Variants in SNCAIP observed in about 807,000 individuals in gnomAD.
SNCAIP encodes synuclein alpha interacting protein.
In SNCAIP, 43 loss-of-function variants were observed where a neutral mutation model predicts 86.7. That is an observed-to-expected ratio of 0.50 (90% CI 0.39 to 0.64). SNCAIP has a LOEUF of 0.64. Among genes scored for constraint, SNCAIP ranks in the 30% least tolerant of loss-of-function variants. The pLI is 0.00. For missense variants in SNCAIP, 981 were observed against 1,103.1 expected (o/e 0.89, Z 1.57); for synonymous variants, 417 against 427.2 (o/e 0.98, Z 0.29).
At chr5:122,449,756 C>T (rs1260803946) in intron 8 of SNCAIP, 89 bp from the exon 9 acceptor site, 7 of 916,404 alleles carry the variant, frequency 7.6e-6, no homozygotes, top group Non-Finnish European at 7.3e-6. Context: ...TTGCAACTTA[C>T]TGGAAATTAT....
intron 1 of SNCAIP, among the ~76,000 whole-genome samples, chr5:122,334,924 G>A (rs1055789244): frequency 1.3e-5 from 2 of 151,982 alleles, no homozygotes; most frequent in African/African-American, 2.4e-5. Context: ...GTGGATTTGG[G>A]GACTACAGGT....
intron 7 of SNCAIP, chr5:122,443,756 C>T: frequency 4.6e-6 from 2 of 434,982 alleles, no homozygotes; most frequent in South Asian, 1.6e-5. Flanking sequence ...GAAAGTTGTC[C>T]CTGCTTCTTT....
intron 5 of SNCAIP, among the ~76,000 whole-genome samples, chr5:122,429,293 G>A (rs1165220244): frequency 1.3e-5 from 2 of 150,352 alleles, no homozygotes; most frequent in South Asian, 4.2e-4. Flanking sequence ...AAAAAGAAGA[G>A]CAGACTAAAT....
At position 122,332,977 on chromosome 5, in the gene SNCAIP, A is replaced by G. The variant is rs536205687; in HGVS notation, c.-47+20693A>G. Among the ~76,000 whole-genome samples the G allele has an allele frequency of 8.5e-5, 13 of 152,354 alleles. 1 individual carries two copies. The South Asian group carries it at 2.3e-3, about 27-fold the overall frequency. On this transcript the variant is annotated intron_variant, in intron 1 of 10. Coordinates refer to ENST00000261368, the MANE Select transcript of SNCAIP (RefSeq NM_005460.4). The stretch of plus-strand genomic sequence containing the variant: ...CTGAAAGGGTAAATACTTTCTTCCA[A>G]AGCTATTTGGTTGAGAGACATGGCC...
intron 5 of SNCAIP, 59 bp downstream of exon 5, chr5:122,425,590 T>C: frequency 1.4e-6 from 2 of 1,413,644 alleles, no homozygotes. Context: ...TTTTTTAAGA[T>C]TCCTTGTGAG....
At chr5:122,380,905 A>G (rs1011354825) in intron 1 of SNCAIP, among the ~76,000 whole-genome samples, 1 of 150,926 alleles carries the variant, frequency 6.6e-6, no homozygotes, top group African/African-American at 2.4e-5. Flanking sequence ...GGTCTGAGAG[A>G]TAGTTTGTTA....
At chr5:122,343,465 T>G (rs1054790178) in intron 1 of SNCAIP, among the ~76,000 whole-genome samples, 1 of 152,228 alleles carries the variant, frequency 6.6e-6, no homozygotes, top group Non-Finnish European at 1.5e-5. Flanking sequence ...GCCTTTTATA[T>G]GTAAGCAGTT....
At chr5:122,384,221 G>A (rs530703016) in intron 1 of SNCAIP, among the ~76,000 whole-genome samples, 1 of 152,296 alleles carries the variant, frequency 6.6e-6, no homozygotes, top group African/African-American at 2.4e-5. Flanking sequence ...TGTGTTAGCT[G>A]GCTTTGCCCC....
At chr5:122,376,817 G>A (rs956746258) in intron 1 of SNCAIP, among the ~76,000 whole-genome samples, 1 of 152,122 alleles carries the variant, frequency 6.6e-6, no homozygotes, top group Non-Finnish European at 1.5e-5. Flanking sequence ...CTGAAAAGGT[G>A]TAAAATTGGT....
At chr5:122,316,215 G>A (rs1226103484) in intron 1 of SNCAIP, among the ~76,000 whole-genome samples, 2 of 152,112 alleles carry the variant, frequency 1.3e-5, no homozygotes, top group Non-Finnish European at 2.9e-5. Context: ...ACAACCTCAG[G>A]GATTCCCTAA....
At chr5:122,386,796 C>G (rs1429183558) in intron 1 of SNCAIP, among the ~76,000 whole-genome samples, 5 of 151,446 alleles carry the variant, frequency 3.3e-5, no homozygotes, top group African/African-American at 1.2e-4. Context: ...CTCACCCTCC[C>G]TGGCATCTCA....
intron 1 of SNCAIP, among the ~76,000 whole-genome samples, chr5:122,322,040 A>C (rs1437488855): frequency 6.6e-6 from 1 of 152,232 alleles, no homozygotes; most frequent in Admixed American, 6.5e-5. Context: ...TTGAGATTGC[A>C]AACAAGGCCA....
chr5:122,461,765 G>A (rs1432584756), intron 10 of SNCAIP, among the ~76,000 whole-genome samples: 1 of 148,416 alleles, frequency 6.7e-6, no homozygotes, highest in Non-Finnish European at 1.5e-5. Context: ...TGCAACCTCT[G>A]CCTCCTGGGT....
At chr5:122,384,390 TA>T (rs576517369) in intron 1 of SNCAIP, among the ~76,000 whole-genome samples, 6,359 of 149,898 alleles carry the variant, frequency 0.042, 182 homozygotes, top group Non-Finnish European at 0.061. Flanking sequence ...AGATGATTCT[TA>T]AAAAAAAAAT....
chr5:122,463,556 C>A lies in SNCAIP; in HGVS notation c.*60C>A, dbSNP rs766360813. 3 of 1,591,662 alleles carry A rather than the reference C, an allele frequency of 1.9e-6. No homozygotes were observed. The highest frequency in any genetic ancestry group is 2.2e-5 in the South Asian group (2 of 88,944). On this transcript the variant is annotated 3_prime_UTR_variant, in exon 11 of 11. Transcript: ENST00000261368. ...ATAAAGCACATTGCTGAGCCAGAGT[C>A]AAAAGAACTCTTCTTGTAAATCACT...
intron 1 of SNCAIP, among the ~76,000 whole-genome samples, chr5:122,372,576 A>G (rs911828857): frequency 6.6e-6 from 1 of 152,192 alleles, no homozygotes; most frequent in Non-Finnish European, 1.5e-5. Context: ...TTCATGCCAG[A>G]TTACTCGAGC....
At chr5:122,409,245 T>C (rs569432912) in intron 3 of SNCAIP, among the ~76,000 whole-genome samples, 56 of 152,336 alleles carry the variant, frequency 3.7e-4, no homozygotes, top group Non-Finnish European at 6.5e-4. Context: ...AAAAATACAT[T>C]ATGGTGACAT....
chr5:122,417,050 T>C (rs545051129), intron 3 of SNCAIP, among the ~76,000 whole-genome samples: 22 of 152,340 alleles, frequency 1.4e-4, no homozygotes, highest in Non-Finnish European at 3.1e-4. Flanking sequence ...CTATTCTTGA[T>C]GTCTCAAGCT....
At chr5:122,313,134 A>G (rs928372613) in intron 1 of SNCAIP, among the ~76,000 whole-genome samples, 12 of 152,244 alleles carry the variant, frequency 7.9e-5, no homozygotes, top group South Asian at 2.1e-4. Flanking sequence ...CTCATTTTCA[A>G]TGGACGGCTA....
Sources: gnomAD v4.1 joint callset for allele counts (sites outside exome capture counted in the v4.1 genomes callset) on GRCh38, gnomAD v4.1.1 for gene constraint, MANE v1.5 for transcripts, NCBI Gene and HGNC (gene_info 2026-07-23, HGNC 2026-07-21) for gene names.